The following SAMD4A variants were observed in gnomAD, a reference collection of about 807,000 sequenced individuals.
SAMD4A encodes the protein sterile alpha motif domain containing 4A.
SAMD4A carries 33 observed loss-of-function variants against 81.3 expected under a neutral mutation model. The observed-to-expected ratio is 0.41, with a 90% CI of 0.31 to 0.54. The LOEUF (loss-of-function observed/expected upper bound fraction) is 0.54. SAMD4A is among the 20% of genes least tolerant of loss of function. SAMD4A has a pLI of 0.37. For missense variants in SAMD4A, 854 were observed against 951.1 expected (o/e 0.90, Z 1.34); for synonymous variants, 389 against 382.1 (o/e 1.02, Z -0.21).
intron 11 of SAMD4A, among the ~76,000 whole-genome samples, chr14:54,778,024 A>G (rs1048665704): frequency 6.6e-6 from 1 of 152,188 alleles, no homozygotes; most frequent in African/African-American, 2.4e-5. Flanking sequence ...CCAATAAAAA[A>G]GAATCTGGAC....
intron 6 of SAMD4A, among the ~76,000 whole-genome samples, chr14:54,756,621 G>T: frequency 6.6e-6 from 1 of 152,316 alleles, no homozygotes; most frequent in Middle Eastern, 3.4e-3. Context: ...AGGAAAGAAT[G>T]GATGCGCTAG....
intron 2 of SAMD4A, among the ~76,000 whole-genome samples, chr14:54,672,333 G>A (rs756372546): frequency 1.3e-5 from 2 of 152,098 alleles, no homozygotes. Flanking sequence ...AAGGGTGTAC[G>A]AGGGTGGAGG....
chr14:54,615,934 G>GA (rs961405349), intron 2 of SAMD4A, among the ~76,000 whole-genome samples: 1 of 152,018 alleles, frequency 6.6e-6, no homozygotes, highest in Non-Finnish European at 1.5e-5. Flanking sequence ...AAGTGAGTGG[G>GA]AAAAATTCTC....
chr14:54,617,252 T>C (rs2034511513), intron 2 of SAMD4A, among the ~76,000 whole-genome samples: 1 of 152,184 alleles, frequency 6.6e-6, no homozygotes, highest in Non-Finnish European at 1.5e-5. Flanking sequence ...TAACTGTATA[T>C]GGAAGGATTG....
chr14:54,769,960 AACTG>A, intron 8 of SAMD4A, 140 bp from the exon 9 acceptor site: 1 of 613,260 alleles, frequency 1.6e-6, no homozygotes, highest in South Asian at 2.2e-5. Context: ...TCCCAAATTA[AACTG>A]ACTACGTTTG....
At chr14:54,612,039 A>G (rs917232649) in intron 2 of SAMD4A, among the ~76,000 whole-genome samples, 4 of 152,228 alleles carry the variant, frequency 2.6e-5, no homozygotes, top group Admixed American at 6.5e-5. Flanking sequence ...AGGGAGCCAG[A>G]TGGGCAGTGA....
At chr14:54,651,507 G>A (rs1282694222) in intron 2 of SAMD4A, among the ~76,000 whole-genome samples, 1 of 152,076 alleles carries the variant, frequency 6.6e-6, no homozygotes, top group African/African-American at 2.4e-5. Flanking sequence ...TACTTTCTAA[G>A]GATGAATGAG....
intron 5 of SAMD4A, among the ~76,000 whole-genome samples, chr14:54,749,313 G>A (rs1332832435): frequency 6.6e-6 from 1 of 152,128 alleles, no homozygotes; most frequent in African/African-American, 2.4e-5. Flanking sequence ...CCCTCCCTCT[G>A]CTCGAGCAGG....
intron 2 of SAMD4A, among the ~76,000 whole-genome samples, chr14:54,682,862 A>G (rs1370779364): frequency 6.6e-6 from 1 of 152,218 alleles, no homozygotes; most frequent in Admixed American, 6.5e-5. Context: ...TGCTGAAAGA[A>G]AGGAAATGAA....
intron 2 of SAMD4A, among the ~76,000 whole-genome samples, chr14:54,605,304 A>G (rs192377195): frequency 1.1e-4 from 17 of 152,220 alleles, no homozygotes; most frequent in Admixed American, 5.2e-4. Context: ...ATTAATGGAA[A>G]CTATCTTTAA....
intron 2 of SAMD4A, among the ~76,000 whole-genome samples, chr14:54,620,329 C>T (rs568690999): frequency 6.7e-6 from 1 of 149,480 alleles, no homozygotes; most frequent in South Asian, 2.2e-4. Flanking sequence ...AACAGTGCCT[C>T]CAACAAAAAT....
chr14:54,736,937 T>C, intron 3 of SAMD4A, 87 bp from the exon 4 acceptor site: 1 of 1,454,762 alleles, frequency 6.9e-7, no homozygotes, highest in Middle Eastern at 1.9e-4. Flanking sequence ...TAGTGGTATC[T>C]CTCAGGGTTA....
chr14:54,567,191 C>G lies in SAMD4A; in HGVS notation c.-569C>G, dbSNP rs1273465695. ...TTGCTGGTGCTGGCGTTCTTAAGCA[C>G]GGCGCCCGAGGCCACCCCAGGCGGG... On this transcript the variant is annotated 5_prime_UTR_variant, in exon 1 of 13. Coordinates refer to ENST00000554335, the MANE Select transcript of SAMD4A (RefSeq NM_015589.6). 1 of 152,198 alleles carries G rather than the reference C, an allele frequency of 6.6e-6. No homozygotes were observed. Among genetic ancestry groups the G allele is most frequent in the Non-Finnish European group, 1.5e-5 (1 of 68,024 alleles). The allele number at this position is 152,198 out of a possible 1,614,324, so 9.4% of individuals were successfully genotyped here.
intron 2 of SAMD4A, among the ~76,000 whole-genome samples, chr14:54,568,707 A>G (rs1293752487): frequency 9.2e-6 from 1 of 108,882 alleles, no homozygotes; most frequent in Non-Finnish European, 2.0e-5. Flanking sequence ...ATATATATAT[A>G]TATATATATA....
intron 2 of SAMD4A, among the ~76,000 whole-genome samples, chr14:54,645,970 C>T (rs2035278757): frequency 6.6e-6 from 1 of 152,184 alleles, no homozygotes; most frequent in Admixed American, 6.5e-5. Flanking sequence ...AGAGGCTTTC[C>T]TAAACTAACT....
intron 2 of SAMD4A, chr14:54,694,577 G>A (rs757004981): frequency 4.1e-5 from 40 of 976,018 alleles, no homozygotes; most frequent in Non-Finnish European, 4.7e-5. Flanking sequence ...GGGCTCAGGG[G>A]AGAAACCTGG....
chr14:54,681,994 G>A (rs1019420416), intron 2 of SAMD4A: 1 of 985,358 alleles, frequency 1.0e-6, no homozygotes, highest in Non-Finnish European at 1.2e-6. Context: ...ATAACATGCA[G>A]TACCTGGGTC....
chr14:54,789,543 G>C lies in SAMD4A; in HGVS notation c.*599G>C, dbSNP rs1357173416. 1 of 153,402 alleles carries C rather than the reference G, an allele frequency of 6.5e-6. No individual in the cohort carries two copies. The highest frequency in any genetic ancestry group is 2.4e-5 in the African/African-American group (1 of 41,456). 9.5% of individuals were successfully genotyped at this position (153,402 alleles called of 1,614,324 possible). On this transcript the variant is annotated 3_prime_UTR_variant, in exon 13 of 13. Coordinates refer to ENST00000554335, the MANE Select transcript of SAMD4A (RefSeq NM_015589.6). ...TGCAACAAAACTTCAGCTAAACTTT[G>C]ATTTGTGTATTGTTTACATAATAAT... is the stretch of plus-strand genomic sequence containing the variant.
chr14:54,776,687 T>A (rs926023598), intron 11 of SAMD4A, 147 bp downstream of exon 11: 2 of 1,031,402 alleles, frequency 1.9e-6, no homozygotes, highest in Non-Finnish European at 2.6e-6. Context: ...AAACTGTGCC[T>A]TGCCAGCATG....
Sources: gnomAD v4.1 joint callset for allele counts (sites outside exome capture counted in the v4.1 genomes callset) on GRCh38, gnomAD v4.1.1 for gene constraint, MANE v1.5 for transcripts, NCBI Gene and HGNC (gene_info 2026-07-23, HGNC 2026-07-21) for gene names.